Variants in TRIM9 observed in about 807,000 individuals in gnomAD.
The protein encoded by TRIM9 is E3 ubiquitin-protein ligase TRIM9.
TRIM9 carries 26 observed loss-of-function variants against 78.3 expected under a neutral mutation model. The observed-to-expected ratio is 0.33, with a 90% confidence interval of 0.24 to 0.46. TRIM9 has a LOEUF of 0.46. Ranked by LOEUF, TRIM9 falls within the 20% of genes least tolerant of loss-of-function variation. The probability of loss-of-function intolerance (pLI) is 1.00; values close to 1 mark genes in which losing one functional copy is unlikely to be tolerated. For synonymous variants in TRIM9, 398 were observed against 416.5 expected, an observed-to-expected ratio of 0.96 and a Z score of 0.54; for missense variants, 787 against 1,036.4, an observed-to-expected ratio of 0.76 and a Z score of 3.30.
intron 1 of TRIM9, among the ~76,000 whole-genome samples, chr14:51,028,897 C>T (rs374038423): frequency 1.3e-5 from 2 of 152,094 alleles, no homozygotes; most frequent in African/African-American, 2.4e-5. Flanking sequence ...TCCCTCCTTG[C>T]GTGGCTTTCG....
chr14:50,986,372 G>A lies in TRIM9; in HGVS notation c.1604-228C>T, dbSNP rs1310049378. Reference sequence around the variant, plus strand: ...ACCTCGAACAACAAAGGCAATTGTTGTCACTTTCCCGATTTTTAGTGGTAG... The same window carrying A: ...ACCTCGAACAACAAAGGCAATTGTTATCACTTTCCCGATTTTTAGTGGTAG... On this transcript the variant is annotated intron_variant, in intron 7 of 12. Coordinates refer to ENST00000684578, the MANE Select transcript of TRIM9 (RefSeq NM_001387360.1). 1.9e-5 allele frequency: 7 copies of A among 365,996 alleles called. No individual in the cohort carries two copies. The South Asian group carries it at 8.9e-4, about 47-fold the overall frequency. The allele number at this position is 365,996 out of a possible 1,614,324, so 22.7% of individuals were successfully genotyped here.
intron 1 of TRIM9, among the ~76,000 whole-genome samples, chr14:51,037,788 T>C (rs1279702896): frequency 6.6e-6 from 1 of 152,112 alleles, no homozygotes; most frequent in East Asian, 1.9e-4. Flanking sequence ...TAAACTTTAC[T>C]GGAAGATAAA....
At chr14:51,052,768 A>C (rs1231254280) in intron 1 of TRIM9, among the ~76,000 whole-genome samples, 1 of 152,102 alleles carries the variant, frequency 6.6e-6, no homozygotes, top group Non-Finnish European at 1.5e-5. Flanking sequence ...TTGCCCATAA[A>C]TCACTAGTTG....
chr14:50,977,388 G>C (rs768579292), intron 12 of TRIM9, 35 bp from the exon 13 acceptor site: 5 of 1,476,328 alleles, frequency 3.4e-6, no homozygotes, highest in Non-Finnish European at 4.5e-6. Flanking sequence ...GAGAGGCATC[G>C]TGCATCCCCC....
intron 1 of TRIM9, among the ~76,000 whole-genome samples, chr14:51,072,702 T>C: frequency 6.6e-6 from 1 of 152,156 alleles, no homozygotes; most frequent in East Asian, 1.9e-4. Context: ...CTTACTTTCA[T>C]TTAAGAAAGA....
In TRIM9 at chr14:50,979,498, T is replaced by C; in HGVS notation, c.2214A>G (p.Leu738=). The stretch of plus-strand genomic sequence containing the variant: ...TAAAAAATGTCAAGTTTTTTCTATT[T>C]AAGTCGAGGAGGACCCCAATTGTGG... ...KGATIGVLLD[L]NRKNLTFFIN... Residue 738 remains leucine, a synonymous_variant, in exon 12 of 13, where the codon TTA becomes TTG. Transcript: ENST00000684578. 1 of 1,613,834 alleles carries C rather than the reference T, an allele frequency of 6.2e-7. No homozygotes were observed. Among genetic ancestry groups the C allele is most frequent in the Non-Finnish European group, 8.5e-7 (1 of 1,179,966 alleles).
rs148236873 is a variant in TRIM9, at chr14:51,005,227, A to G, written c.1306+3853T>C. ...CTAACCCTCTGGCAGCTTTCCCCCTATGATTTATAGGGGACTCTATTCAGA... is the reference window on the plus strand; with the variant it reads ...CTAACCCTCTGGCAGCTTTCCCCCTGTGATTTATAGGGGACTCTATTCAGA... On this transcript the variant is annotated intron_variant, in intron 5 of 12. Coordinates refer to ENST00000684578, the MANE Select transcript of TRIM9 (RefSeq NM_001387360.1). Among the ~76,000 whole-genome samples, 618 of 152,148 alleles carry G rather than the reference A, an allele frequency of 4.1e-3. 4 individuals carry two copies. Among genetic ancestry groups the G allele is most frequent in the Non-Finnish European group, 6.5e-3 (440 of 68,002 alleles).
intron 1 of TRIM9, among the ~76,000 whole-genome samples, chr14:51,070,997 T>C (rs938220022): frequency 1.3e-5 from 2 of 152,122 alleles, no homozygotes; most frequent in African/African-American, 4.8e-5. Context: ...TATAAGATAA[T>C]GTAAATGATC....
At chr14:51,036,188 C>T (rs568676709) in intron 1 of TRIM9, among the ~76,000 whole-genome samples, 6 of 152,242 alleles carry the variant, frequency 3.9e-5, no homozygotes, top group Non-Finnish European at 7.4e-5. Flanking sequence ...AGCCAGCCCA[C>T]GGCACAAAAA....
chr14:51,028,835 T>C (rs77375119), intron 1 of TRIM9, among the ~76,000 whole-genome samples: 7 of 152,096 alleles, frequency 4.6e-5, no homozygotes, highest in African/African-American at 1.2e-4. Context: ...CCCAGAAAGA[T>C]GACAAGTTGT....
At chr14:51,019,130 T>C (rs951064984) in intron 3 of TRIM9, among the ~76,000 whole-genome samples, 7 of 152,332 alleles carry the variant, frequency 4.6e-5, no homozygotes, top group Admixed American at 1.3e-4. Flanking sequence ...AGATAGGAAA[T>C]GTAGGCTTTC....
At chr14:50,998,224 T>G (rs757014729) in intron 6 of TRIM9, 36 bp from the exon 7 acceptor site, 2 of 1,604,130 alleles carry the variant, frequency 1.2e-6, no homozygotes, top group Admixed American at 3.3e-5. Context: ...GCACTTAGCC[T>G]GCCCCCTTCT....
chr14:50,994,317 G>T (rs1439862525), intron 7 of TRIM9, among the ~76,000 whole-genome samples: 1 of 152,224 alleles, frequency 6.6e-6, no homozygotes, highest in Non-Finnish European at 1.5e-5. Context: ...TGAGGTGGGA[G>T]GATTCCTTGA....
intron 8 of TRIM9, among the ~76,000 whole-genome samples, chr14:50,985,465 GT>G (rs2052578053): frequency 6.6e-6 from 1 of 152,098 alleles, no homozygotes; most frequent in South Asian, 2.1e-4. Flanking sequence ...CTGTTGGTGT[GT>G]TTTTACTTTT....
chr14:50,984,637 A>C (rs1167774533), intron 8 of TRIM9, among the ~76,000 whole-genome samples: 1 of 152,238 alleles, frequency 6.6e-6, no homozygotes, highest in Non-Finnish European at 1.5e-5. Context: ...AAAACTTTTA[A>C]ATGAATCATG....
chr14:51,077,334 G>A (rs1416019294), intron 1 of TRIM9, among the ~76,000 whole-genome samples: 5 of 150,192 alleles, frequency 3.3e-5, no homozygotes, highest in Non-Finnish European at 5.9e-5. Context: ...GAGGTAAGGC[G>A]ACCATGAGCT....
At chr14:50,999,458 T>C (rs930007443) in intron 6 of TRIM9, among the ~76,000 whole-genome samples, 2 of 151,002 alleles carry the variant, frequency 1.3e-5, no homozygotes, top group Admixed American at 1.3e-4. Flanking sequence ...GATTTTATCA[T>C]GCCAATAAAT....
At chr14:51,028,259 T>C (rs1293908734) in intron 1 of TRIM9, among the ~76,000 whole-genome samples, 7 of 148,728 alleles carry the variant, frequency 4.7e-5, no homozygotes, top group African/African-American at 1.8e-4. Context: ...TGATAAAAAA[T>C]TGCATTATAA....
chr14:50,982,648 T>C (rs974835906), intron 10 of TRIM9: 5 of 426,992 alleles, frequency 1.2e-5, no homozygotes, highest in African/African-American at 9.8e-5. Context: ...CTAATTTTCA[T>C]GAGTGATTGT....
Sources: gnomAD v4.1 joint callset for allele counts (sites outside exome capture counted in the v4.1 genomes callset) on GRCh38, gnomAD v4.1.1 for gene constraint, MANE v1.5 for transcripts, NCBI Gene and HGNC (gene_info 2026-07-23, HGNC 2026-07-21) for gene names.